The following PTGIS variants were observed in gnomAD, a reference collection of about 807,000 sequenced individuals.
The protein encoded by PTGIS is prostacyclin synthase.
Under a neutral mutation model 50.3 loss-of-function variants are expected in PTGIS, and 45 were observed. That is an observed-to-expected ratio of 0.90 (90% CI 0.70 to 1.15). The LOEUF (loss-of-function observed/expected upper bound fraction) is 1.15. Among genes scored for constraint, PTGIS ranks in the 50% most tolerant of loss-of-function variants. The probability of loss-of-function intolerance (pLI) is 0.00; values close to 1 mark genes in which losing one functional copy is unlikely to be tolerated. For synonymous variants in PTGIS, 260 were observed against 267.7 expected (o/e 0.97, Z 0.28); for missense variants, 668 against 661.3 (o/e 1.01, Z -0.11).
At chr20:49,559,564 C>T (rs765595671) in intron 1 of PTGIS, among the ~76,000 whole-genome samples, 6 of 152,106 alleles carry the variant, frequency 3.9e-5, no homozygotes, top group East Asian at 3.9e-4. Flanking sequence ...CGTTGAGTGA[C>T]GAACGGATAA....
At chr20:49,509,831 C>G (rs982471213) in intron 9 of PTGIS, among the ~76,000 whole-genome samples, 8 of 149,900 alleles carry the variant, frequency 5.3e-5, no homozygotes, top group African/African-American at 2.0e-4. Context: ...TGAGTGTTGG[C>G]CCCAGTCCCC....
chr20:49,526,347 AGT>A lies in PTGIS; in HGVS notation c.674-2110_674-2109del, dbSNP rs1220584417. Among the ~76,000 whole-genome samples, 298 of 152,368 alleles carry A rather than the reference AGT, an allele frequency of 2.0e-3. 1 individual carries two copies. The highest frequency in any genetic ancestry group is 7.0e-3 in the African/African-American group (292 of 41,590). On this transcript the variant is annotated intron_variant, in intron 5 of 9. Transcript: ENST00000244043. The stretch of plus-strand genomic sequence containing the variant: ...TTTAGAAATAACTGGCATTCTTTGA[AGT>A]CTGACCACACAACTGCAATCTTGAA...
intron 9 of PTGIS, 38 bp downstream of exon 9, chr20:49,510,990 C>G (rs767234147): frequency 1.9e-6 from 3 of 1,604,186 alleles, no homozygotes; most frequent in Non-Finnish European, 2.6e-6. Context: ...ACCAGGGGAT[C>G]AGGAGCCACC....
intron 5 of PTGIS, among the ~76,000 whole-genome samples, chr20:49,536,413 A>ACAT (rs1046530576): frequency 2.6e-5 from 4 of 151,818 alleles, no homozygotes; most frequent in African/African-American, 9.7e-5. Context: ...CGTATCTGGC[A>ACAT]CATAGTAAGT....
At chr20:49,551,774 G>A (rs563053) in intron 1 of PTGIS, among the ~76,000 whole-genome samples, 10 of 150,254 alleles carry the variant, frequency 6.7e-5, no homozygotes, top group African/African-American at 1.2e-4. Context: ...GTGTGTATGC[G>A]TGTGTATGTG....
At chr20:49,527,002 C>CA (rs1568674043) in intron 5 of PTGIS, among the ~76,000 whole-genome samples, 4 of 152,268 alleles carry the variant, frequency 2.6e-5, no homozygotes, top group Admixed American at 2.6e-4. Flanking sequence ...ACCAGAGACT[C>CA]AAACAGATAC....
intron 1 of PTGIS, among the ~76,000 whole-genome samples, chr20:49,565,035 A>C (rs1480719868): frequency 7.0e-6 from 1 of 143,650 alleles, no homozygotes; most frequent in Non-Finnish European, 1.5e-5. Context: ...CAGTGGCAGG[A>C]TCTCAGCTCA....
intron 5 of PTGIS, among the ~76,000 whole-genome samples, chr20:49,532,177 A>G (rs1443406996): frequency 6.6e-6 from 1 of 152,248 alleles, no homozygotes; most frequent in Non-Finnish European, 1.5e-5. Flanking sequence ...ATTGGCTTAA[A>G]TAAAATGTAT....
intron 6 of PTGIS, among the ~76,000 whole-genome samples, chr20:49,522,072 C>T (rs975887803): frequency 1.3e-5 from 2 of 152,040 alleles, no homozygotes; most frequent in Non-Finnish European, 2.9e-5. Context: ...AGAGAAAAAT[C>T]CCAAGTCCTC....
At chr20:49,533,695 A>G (rs933457421) in intron 5 of PTGIS, among the ~76,000 whole-genome samples, 39 of 152,112 alleles carry the variant, frequency 2.6e-4, no homozygotes, top group African/African-American at 9.2e-4. Context: ...GGTGGCTCAC[A>G]CCGGTAATCC....
chr20:49,523,942 C>T, intron 6 of PTGIS, 116 bp downstream of exon 6: 2 of 1,286,682 alleles, frequency 1.6e-6, no homozygotes, highest in East Asian at 5.0e-5. Flanking sequence ...CACATGCACA[C>T]ACAGGCATAG....
intron 1 of PTGIS, among the ~76,000 whole-genome samples, chr20:49,564,972 C>CTTTTT (rs397864477): frequency 1.5e-4 from 21 of 136,094 alleles, no homozygotes; most frequent in Non-Finnish European, 3.0e-4. Flanking sequence ...CTTGTTTGCC[C>CTTTTT]TTTTTTTTTT....
chr20:49,509,880 TC>T (rs1439528944), intron 9 of PTGIS, among the ~76,000 whole-genome samples: 375 of 131,262 alleles, frequency 2.9e-3, no homozygotes, highest in African/African-American at 0.012. Flanking sequence ...TTTCTTTCTT[TC>T]TTTTTTTTTT....
At chr20:49,557,953 G>A (rs1351181822) in intron 1 of PTGIS, among the ~76,000 whole-genome samples, 1 of 152,090 alleles carries the variant, frequency 6.6e-6, no homozygotes, top group African/African-American at 2.4e-5. Context: ...TTTGGAGAAA[G>A]GCACAGACCT....
At chr20:49,512,480 G>T (rs1372223955) in intron 8 of PTGIS, among the ~76,000 whole-genome samples, 1 of 152,130 alleles carries the variant, frequency 6.6e-6, no homozygotes, top group African/African-American at 2.4e-5. Context: ...TGGATGGATG[G>T]ATGAATACAT....
In PTGIS at chr20:49,507,623, T is replaced by C. The variant is rs1398326117; in HGVS notation, c.*297A>G. The C allele has an allele frequency of 4.3e-6, 2 of 464,998 alleles. No homozygotes were observed. Among genetic ancestry groups the C allele is most frequent in the East Asian group, 8.8e-5 (2 of 22,798 alleles). 28.8% of individuals were successfully genotyped at this position (464,998 alleles called of 1,614,324 possible). ...TGAAGACTCCTAGTTCTGCCTTATCTGAATAGCATTTGTGGATATCACGAG... is the reference window on the plus strand; with the variant it reads ...TGAAGACTCCTAGTTCTGCCTTATCCGAATAGCATTTGTGGATATCACGAG... On this transcript the variant is annotated 3_prime_UTR_variant, in exon 10 of 10. Transcript: ENST00000244043.
At chr20:49,514,018 C>T (rs763520553) in intron 7 of PTGIS, among the ~76,000 whole-genome samples, 2 of 152,192 alleles carry the variant, frequency 1.3e-5, no homozygotes, top group Non-Finnish European at 2.9e-5. Context: ...TCACCTTAGT[C>T]AATTGAAGTT....
Position 49,505,170 on chromosome 20 carries a change from A to AAAAG in PTGIS, c.*2746_*2749dup, listed in dbSNP as rs550923361. 2.0e-4 allele frequency: 30 copies of AAAAG among 151,738 alleles called. No individual in the cohort carries two copies. Among genetic ancestry groups the AAAAG allele is most frequent in the East Asian group, 3.9e-4 (2 of 5,180 alleles). 9.4% of individuals were successfully genotyped at this position (151,738 alleles called of 1,614,324 possible). ...TATTTCATTCTTGCCACTGAGCTTA[A>AAAAG]AAAGAAAGAAAGAAAGAAAGAGTAT... On this transcript the variant is annotated 3_prime_UTR_variant, in exon 10 of 10. Coordinates refer to ENST00000244043, the MANE Select transcript of PTGIS (RefSeq NM_000961.4).
chr20:49,531,995 C>A (rs144429354), intron 5 of PTGIS, among the ~76,000 whole-genome samples: 17 of 152,112 alleles, frequency 1.1e-4, no homozygotes, highest in Non-Finnish European at 2.1e-4. Context: ...TAGCCGCAAG[C>A]CCCAGGGAGT....
Sources: gnomAD v4.1 joint callset for allele counts (sites outside exome capture counted in the v4.1 genomes callset) on GRCh38, gnomAD v4.1.1 for gene constraint, MANE v1.5 for transcripts, NCBI Gene and HGNC (gene_info 2026-07-23, HGNC 2026-07-21) for gene names.